The following STAMBP variants were observed in gnomAD, a reference collection of about 807,000 sequenced individuals.
STAMBP encodes the protein STAM binding protein.
A neutral mutation model predicts 50.7 loss-of-function variants in STAMBP; 31 were observed. The observed-to-expected ratio is 0.61, with a 90% CI of 0.46 to 0.83. The LOEUF (loss-of-function observed/expected upper bound fraction) is 0.83. STAMBP is among the 40% of genes least tolerant of loss of function. The pLI, the probability that STAMBP is intolerant of heterozygous loss-of-function variation, is 0.00. For missense variants in STAMBP, 472 were observed against 518.9 expected, an observed-to-expected ratio of 0.91 and a Z score of 0.88; for synonymous variants, 211 against 192.4, an observed-to-expected ratio of 1.10 and a Z score of -0.80.
chr2:73,832,141 A>G (rs1270304166), intron 2 of STAMBP, among the ~76,000 whole-genome samples: 1 of 144,816 alleles, frequency 6.9e-6, no homozygotes, highest in Admixed American at 7.1e-5. Context: ...TCAGAGGCAC[A>G]AAAGAATAAC....
At chr2:73,833,523 G>A (rs1029895595) in intron 2 of STAMBP, among the ~76,000 whole-genome samples, 1 of 151,672 alleles carries the variant, frequency 6.6e-6, no homozygotes, top group Non-Finnish European at 1.5e-5. Context: ...TTGGTAGAAA[G>A]AATATTCTTA....
At chr2:73,837,286 T>C (rs574709713) in intron 2 of STAMBP, among the ~76,000 whole-genome samples, 1 of 152,214 alleles carries the variant, frequency 6.6e-6, no homozygotes, top group Non-Finnish European at 1.5e-5. Flanking sequence ...ATCAAATGCA[T>C]TGATAAAGAA....
At position 73,860,006 on chromosome 2, in the gene STAMBP, A is replaced by C. The variant is rs750491620; in HGVS notation, c.1119-46A>C. The C allele has an allele frequency of 2.8e-5, 40 of 1,423,352 alleles. No homozygotes were observed. The Middle Eastern group carries it at 7.2e-4, about 25-fold the overall frequency. The allele number at this position is 1,423,352 out of a possible 1,614,324, so 88.2% of individuals were successfully genotyped here. ...GTGTGCGTGCATATGTTTGGGATGG[A>C]GGGACACCTTTGCTTGACTCTTAGC... On this transcript the variant is annotated intron_variant, in intron 8 of 9. Coordinates refer to ENST00000394070, the MANE Select transcript of STAMBP (RefSeq NM_213622.4).
chr2:73,846,440 A>G (rs1319782940), intron 4 of STAMBP, among the ~76,000 whole-genome samples: 4 of 151,822 alleles, frequency 2.6e-5, no homozygotes, highest in Non-Finnish European at 5.9e-5. Flanking sequence ...ATCTCTACAA[A>G]AAATACAAAA....
At chr2:73,852,917 G>GGT (rs56684009) in intron 7 of STAMBP, among the ~76,000 whole-genome samples, 11,317 of 122,640 alleles carry the variant, frequency 0.092, 638 homozygotes, top group Middle Eastern at 0.11. Flanking sequence ...ATGTTGGCCA[G>GGT]GTGTGTGTGT....
intron 7 of STAMBP, among the ~76,000 whole-genome samples, chr2:73,853,456 G>A (rs1349487945): frequency 1.3e-5 from 2 of 152,224 alleles, no homozygotes; most frequent in African/African-American, 4.8e-5. Context: ...GGGTGCGGTG[G>A]CTCAAGCCTG....
intron 2 of STAMBP, among the ~76,000 whole-genome samples, chr2:73,832,889 A>G (rs2104159358): frequency 6.6e-6 from 1 of 152,298 alleles, no homozygotes. Context: ...TTCATATTGT[A>G]ATTGTAGAGT....
intron 2 of STAMBP, among the ~76,000 whole-genome samples, chr2:73,832,084 C>CATATATATATATATATAT (rs67469518): frequency 2.9e-4 from 34 of 118,486 alleles, no homozygotes; most frequent in South Asian, 5.3e-4. Context: ...GAGTAGGTAA[C>CATATATATATATATATAT]ATATATATAT....
At chr2:73,869,437 T>G (rs1433821702), downstream of STAMBP, among the ~76,000 whole-genome samples, 1 of 152,212 alleles carries the variant, frequency 6.6e-6, no homozygotes, top group Non-Finnish European at 1.5e-5. Flanking sequence ...ATGTTTTAAT[T>G]TTAAAGATGC....
downstream of STAMBP, among the ~76,000 whole-genome samples, chr2:73,871,564 AT>A (rs774729538): frequency 0.034 from 5,061 of 150,284 alleles, 101 homozygotes; most frequent in Non-Finnish European, 0.054. Context: ...AAAAAAAAAA[AT>A]TCTTTTAATT....
Position 73,850,249 on chromosome 2 carries a change from C to T in STAMBP, c.868-127C>T. On this transcript the variant is annotated intron_variant, in intron 6 of 9. Transcript: ENST00000394070. This position sits in a 1 kb window ranked among gnomAD's most constrained non-coding sequence, Gnocchi z 4.3. Reference sequence around the variant, plus strand: ...GCCAAGGTTGTGAACCACTGAGTGGCAGGACTCCTGCTGTGTGGGAAGGGC... The same window carrying T: ...GCCAAGGTTGTGAACCACTGAGTGGTAGGACTCCTGCTGTGTGGGAAGGGC... 1 of 1,252,014 alleles carries T rather than the reference C, an allele frequency of 8.0e-7. No individual in the cohort carries two copies. The highest frequency in any genetic ancestry group is 1.6e-5 in the South Asian group (1 of 62,894). 77.6% of individuals were successfully genotyped at this position (1,252,014 alleles called of 1,614,324 possible).
chr2:73,849,595 A>T, intron 6 of STAMBP, 108 bp downstream of exon 6: 1 of 1,403,958 alleles, frequency 7.1e-7, no homozygotes, highest in Non-Finnish European at 9.4e-7. Context: ...TACTCTTTGT[A>T]CCAAGGAACC....
chr2:73,854,700 C>G (rs568575850), intron 7 of STAMBP, among the ~76,000 whole-genome samples: 1 of 152,110 alleles, frequency 6.6e-6, no homozygotes, highest in Non-Finnish European at 1.5e-5. Flanking sequence ...GGATTAAAAA[C>G]AAACAGGCTG....
downstream of STAMBP, among the ~76,000 whole-genome samples, chr2:73,868,632 C>T (rs1679064448): frequency 6.6e-6 from 1 of 151,956 alleles, no homozygotes; most frequent in South Asian, 2.1e-4. Context: ...ATCTGTGATC[C>T]CAGCGCTTTG....
At chr2:73,859,913 G>A (rs1454473143) in intron 8 of STAMBP, 139 bp from the exon 9 acceptor site, 3 of 600,870 alleles carry the variant, frequency 5.0e-6, no homozygotes, top group Admixed American at 2.9e-5. Context: ...GACCTGTGAG[G>A]CAGCATCCTA....
At chr2:73,856,175 C>T (rs1677526794) in intron 7 of STAMBP, among the ~76,000 whole-genome samples, 1 of 152,208 alleles carries the variant, frequency 6.6e-6, no homozygotes, top group African/African-American at 2.4e-5. Flanking sequence ...TCGTGTTCTC[C>T]TTCCAAACAG....
rs533404366 is a variant in STAMBP, at chr2:73,841,653, G to C, written c.204-3160G>C. ...ATGGCCCAAGACAGTTCTTCTTCCA[G>C]TGTGGCCCAGGGAAGCTAAAAGGTT... is the stretch of plus-strand genomic sequence containing the variant. On this transcript the variant is annotated intron_variant, in intron 2 of 9. Coordinates refer to ENST00000394070, the MANE Select transcript of STAMBP (RefSeq NM_213622.4). Among the ~76,000 whole-genome samples the C allele has an allele frequency of 5.4e-4, 82 of 152,322 alleles. 1 individual carries two copies. Among genetic ancestry groups the C allele is most frequent in the Middle Eastern group, 6.8e-3 (2 of 294 alleles).
chr2:73,859,338 G>A lies in STAMBP; in HGVS notation c.1090G>A (p.Ala364Thr). 1 of 1,614,138 alleles carries A rather than the reference G, an allele frequency of 6.2e-7. No homozygotes were observed. The change falls in exon 8 of 10, where the codon GCC becomes ACC. Residue 364 changes from alanine (A) to threonine (T), a missense_variant. Transcript: ENST00000394070. ...SYQMMLPESVAIVCSPKFQET... is the reference protein window; with the variant it reads ...SYQMMLPESVTIVCSPKFQET... ...CCAGATGATGTTGCCAGAGTCAGTA[G>A]CCATTGTTTGCTCCCCCAAGTTCCA...
At chr2:73,849,127 A>G (rs1294532723) in intron 5 of STAMBP, among the ~76,000 whole-genome samples, 2 of 152,206 alleles carry the variant, frequency 1.3e-5, no homozygotes, top group African/African-American at 2.4e-5. Context: ...TTGAATAATT[A>G]AAGCCTACTA....
Sources: allele counts gnomAD v4.1 joint callset (sites outside exome capture counted in the v4.1 genomes callset), GRCh38; gene constraint gnomAD v4.1.1; non-coding constraint Gnocchi (gnomAD v3.1); transcripts MANE v1.5; gene names NCBI Gene and HGNC (gene_info 2026-07-23, HGNC 2026-07-21).